The following GPR89A variants were observed in gnomAD, a reference collection of about 807,000 sequenced individuals.
GPR89A encodes golgi pH regulator A, also known as G protein-coupled receptor 89A.
A neutral mutation model predicts 52.0 loss-of-function variants in GPR89A; 16 were observed. That is an observed-to-expected ratio of 0.31 (90% CI 0.21 to 0.47). The LOEUF is 0.47. GPR89A is among the 20% of genes least tolerant of loss of function. The pLI, the probability that GPR89A is intolerant of heterozygous loss-of-function variation, is 1.00. For missense variants in GPR89A, 135 were observed against 449.4 expected, an observed-to-expected ratio of 0.30 and a Z score of 6.33; for synonymous variants, 55 against 150.9, an observed-to-expected ratio of 0.36 and a Z score of 4.66.
At chr1:145,635,776 T>A (rs1300523046) in intron 7 of GPR89A, among the ~76,000 whole-genome samples, 1 of 152,162 alleles carries the variant, frequency 6.6e-6, no homozygotes, top group Admixed American at 6.5e-5. Context: ...CTGGCCAACA[T>A]GGCAAAACCC....
chr1:145,663,891 TTA>T (rs1309578627), intron 11 of GPR89A, among the ~76,000 whole-genome samples: 3 of 151,580 alleles, frequency 2.0e-5, no homozygotes, highest in Non-Finnish European at 4.4e-5. Flanking sequence ...GAAATGATCT[TTA>T]TCTATTAATG....
At chr1:145,640,856 G>T in intron 7 of GPR89A, among the ~76,000 whole-genome samples, 1 of 150,646 alleles carries the variant, frequency 6.6e-6, no homozygotes, top group Non-Finnish European at 1.5e-5. Flanking sequence ...AAGCAAAAAT[G>T]ATGAACATTT....
In GPR89A at chr1:145,670,612, G is replaced by A. The variant is rs1652937134; in HGVS notation, c.*572G>A. 1 of 177,682 alleles carries A rather than the reference G, an allele frequency of 5.6e-6. No individual in the cohort carries two copies. Among genetic ancestry groups the A allele is most frequent in the Admixed American group, 5.3e-5 (1 of 18,700 alleles). 11.0% of individuals were successfully genotyped at this position (177,682 alleles called of 1,614,324 possible). On this transcript the variant is annotated 3_prime_UTR_variant, in exon 14 of 14. Coordinates refer to ENST00000313835, the MANE Select transcript of GPR89A (RefSeq NM_001097612.2). ...AGGTTATCTGTTCTTTTCCGGGAAA[G>A]GGGTGGTATGCACCTGAAATAGATT... is the stretch of plus-strand genomic sequence containing the variant.
chr1:145,655,562 T>C (rs1158897841), intron 10 of GPR89A, among the ~76,000 whole-genome samples: 4 of 152,216 alleles, frequency 2.6e-5, no homozygotes, highest in Non-Finnish European at 4.4e-5. Flanking sequence ...TCTGTAGGGC[T>C]GCTGCCATTT....
At chr1:145,634,013 A>C (rs1457170618) in intron 7 of GPR89A, among the ~76,000 whole-genome samples, 1 of 152,128 alleles carries the variant, frequency 6.6e-6, no homozygotes, top group Non-Finnish European at 1.5e-5. Context: ...AAATAAATGG[A>C]AAGATATCCC....
intron 2 of GPR89A, among the ~76,000 whole-genome samples, chr1:145,617,713 A>G (rs1320735364): frequency 6.6e-6 from 1 of 152,042 alleles, no homozygotes; most frequent in African/African-American, 2.4e-5. Context: ...ACTTCCCGCA[A>G]CACAAGGCTG....
At chr1:145,608,447 A>C in intron 1 of GPR89A, 2 of 631,826 alleles carry the variant, frequency 3.2e-6, no homozygotes, top group South Asian at 3.6e-5. Flanking sequence ...GCCGACCTCC[A>C]GGCTAAGAGC....
At chr1:145,635,080 T>G (rs1278426622) in intron 7 of GPR89A, among the ~76,000 whole-genome samples, 1 of 152,208 alleles carries the variant, frequency 6.6e-6, no homozygotes, top group African/African-American at 2.4e-5. Flanking sequence ...AGACCCATAG[T>G]CAAGTTAAAG....
intron 10 of GPR89A, among the ~76,000 whole-genome samples, chr1:145,659,965 T>A (rs1652082925): frequency 6.6e-6 from 1 of 151,574 alleles, no homozygotes; most frequent in South Asian, 2.1e-4. Flanking sequence ...GTTTTGTAGT[T>A]CTCCTTGAAG....
chr1:145,625,009 T>TTA (rs1292308225), intron 5 of GPR89A, among the ~76,000 whole-genome samples: 5 of 151,508 alleles, frequency 3.3e-5, no homozygotes, highest in Admixed American at 2.0e-4. Flanking sequence ...CCAGTGTCTA[T>TTA]TATAGAATCT....
At chr1:145,627,680 T>C (rs369179730) in intron 5 of GPR89A, among the ~76,000 whole-genome samples, 1,627 of 152,090 alleles carry the variant, frequency 0.011, 16 homozygotes, top group Non-Finnish European at 0.016. Flanking sequence ...AATAAAGAGG[T>C]AAATATATAA....
At chr1:145,621,120 T>C (rs1433765561) in intron 3 of GPR89A, among the ~76,000 whole-genome samples, 1 of 151,796 alleles carries the variant, frequency 6.6e-6, no homozygotes, top group Non-Finnish European at 1.5e-5. Flanking sequence ...GCTCTTTGTT[T>C]CGTGATGCCT....
intron 9 of GPR89A, 81 bp from the exon 10 acceptor site, chr1:145,647,094 A>G: frequency 1.3e-6 from 2 of 1,526,250 alleles, no homozygotes; most frequent in Non-Finnish European, 1.8e-6. Context: ...CTGAACAGTG[A>G]TTCATAGAGG....
intron 10 of GPR89A, among the ~76,000 whole-genome samples, chr1:145,657,923 AT>A (rs1157392079): frequency 2.0e-5 from 3 of 151,518 alleles, no homozygotes; most frequent in African/African-American, 7.3e-5. Context: ...TTCTTAATAT[AT>A]TCATAGTTTT....
chr1:145,649,013 C>T (rs1651258530), intron 10 of GPR89A, among the ~76,000 whole-genome samples: 2 of 150,224 alleles, frequency 1.3e-5, no homozygotes, highest in South Asian at 4.2e-4. Flanking sequence ...ACCATCTTGG[C>T]CAGGATGGTC....
intron 10 of GPR89A, among the ~76,000 whole-genome samples, chr1:145,648,441 C>T (rs1553692992): frequency 6.6e-6 from 1 of 150,788 alleles, no homozygotes; most frequent in African/African-American, 2.4e-5. Flanking sequence ...GTTAGCAAAG[C>T]TACTAAAAGG....
At chr1:145,628,594 A>T (rs1390759334) in intron 5 of GPR89A, among the ~76,000 whole-genome samples, 1 of 151,786 alleles carries the variant, frequency 6.6e-6, no homozygotes. Flanking sequence ...TCATCTGTAA[A>T]ATTAGGTTTT....
intron 8 of GPR89A, chr1:145,645,222 A>T (rs1247059235): frequency 4.4e-6 from 1 of 225,378 alleles, no homozygotes; most frequent in Non-Finnish European, 8.9e-6. Flanking sequence ...ACATGTAACT[A>T]GTTAAACCAT....
At chr1:145,639,222 T>G (rs1181993583) in intron 7 of GPR89A, among the ~76,000 whole-genome samples, 2 of 151,822 alleles carry the variant, frequency 1.3e-5, no homozygotes, top group Admixed American at 6.6e-5. Flanking sequence ...GTATACAAAT[T>G]TAATGTTATT....
Sources: allele counts gnomAD v4.1 joint callset (sites outside exome capture counted in the v4.1 genomes callset), GRCh38; gene constraint gnomAD v4.1.1; transcripts MANE v1.5; gene names NCBI Gene and HGNC (gene_info 2026-07-23, HGNC 2026-07-21).